The following DPEP1 variants were observed in gnomAD, a reference collection of about 807,000 sequenced individuals.
The protein encoded by DPEP1 is beta-lactamase.
A neutral mutation model predicts 42.3 loss-of-function variants in DPEP1; 50 were observed. The ratio of observed to expected loss-of-function variants is 1.18; its 90% confidence interval spans 0.94 to 1.50. The LOEUF is 1.50. Ranked by LOEUF, DPEP1 falls within the 40% of genes most tolerant of loss-of-function variation. The pLI is 0.00. For synonymous variants in DPEP1, 297 were observed against 234.0 expected (o/e 1.27, Z -2.46); for missense variants, 663 against 553.0 (o/e 1.20, Z -1.99).
intron 1 of DPEP1, among the ~76,000 whole-genome samples, chr16:89,618,740 G>A (rs1311972555): frequency 2.0e-5 from 3 of 152,032 alleles, no homozygotes; most frequent in South Asian, 2.1e-4. Context: ...TTAAGTGATT[G>A]CTGCACTGTT....
intron 2 of DPEP1, among the ~76,000 whole-genome samples, chr16:89,632,272 C>T (rs575395815): frequency 2.0e-5 from 3 of 152,102 alleles, no homozygotes; most frequent in East Asian, 3.9e-4. Context: ...AGGCTGGTCT[C>T]GAACTCCTGA....
At chr16:89,636,468 GGTCAGGACAC>G in intron 4 of DPEP1, 55 bp from the exon 5 acceptor site, 1 of 1,596,614 alleles carries the variant, frequency 6.3e-7, no homozygotes, top group Non-Finnish European at 8.5e-7. Context: ...AGCAGGTGCC[GGTCAGGACAC>G]CTCACCCTCC....
chr16:89,638,225 C>A lies in DPEP1; in HGVS notation c.*3C>A, dbSNP rs368268414. 2 of 1,545,310 alleles carry A rather than the reference C, an allele frequency of 1.3e-6. No homozygotes were observed. The highest frequency in any genetic ancestry group is 2.3e-5 in the East Asian group (1 of 44,206). The stretch of plus-strand genomic sequence containing the variant: ...TCCTCTGTCTGTCTCTCCTGTGAAA[C>A]CTGGGAGACCAGAGTCCCCTTTAGG... On this transcript the variant is annotated 3_prime_UTR_variant, in exon 11 of 11. Coordinates refer to ENST00000690203, the MANE Select transcript of DPEP1 (RefSeq NM_001389466.1).
chr16:89,631,042 G>A lies in DPEP1; in HGVS notation c.104+528G>A, dbSNP rs527770887. ...CAGAGTGAGGTCTGAGCCTGCGGAC[G>A]TGGAGGCCCTGCGCCCCAATCTCAC... On this transcript the variant is annotated intron_variant, in intron 2 of 10. Coordinates refer to ENST00000690203, the MANE Select transcript of DPEP1 (RefSeq NM_001389466.1). Among the ~76,000 whole-genome samples the A allele has an allele frequency of 3.9e-5, 6 of 152,214 alleles. No homozygotes were observed. In the South Asian group the frequency reaches 8.3e-4, roughly 21 times the overall value.
intron 1 of DPEP1, among the ~76,000 whole-genome samples, chr16:89,625,379 C>T (rs923033926): frequency 7.2e-5 from 11 of 152,170 alleles, no homozygotes; most frequent in African/African-American, 2.7e-4. Flanking sequence ...CTCTTCCCAA[C>T]GAACTCATTA....
Position 89,638,202 on chromosome 16 carries a change from C to T in DPEP1, c.1216C>T (p.Leu406Phe). 2 of 1,575,430 alleles carry T rather than the reference C, an allele frequency of 1.3e-6. No homozygotes were observed. The highest frequency in any genetic ancestry group is 1.2e-5 in the South Asian group (1 of 85,928). Reference protein sequence around the residue: ...LLLASLAPLVLCLSLL With the variant: ...LLLASLAPLVFCLSLL ...GCTGGCCTCCCTCGCTCCCCTGGTC[C>T]TCTGTCTGTCTCTCCTGTGAAACCT... is the stretch of plus-strand genomic sequence containing the variant. Residue 406 changes from leucine to phenylalanine, a missense_variant, in exon 11 of 11, where the codon CTC becomes TTC. By Grantham distance (22) the Leu-to-Phe change is conservative. Coordinates refer to ENST00000690203, the MANE Select transcript of DPEP1 (RefSeq NM_001389466.1).
At chr16:89,623,358 C>T (rs1028758757) in intron 1 of DPEP1, among the ~76,000 whole-genome samples, 1 of 152,116 alleles carries the variant, frequency 6.6e-6, no homozygotes, top group African/African-American at 2.4e-5. Flanking sequence ...CCGGAGCTCG[C>T]CCCACACAAA....
chr16:89,618,512 C>G lies in DPEP1; in HGVS notation c.-107+4793C>G, dbSNP rs142508808. On this transcript the variant is annotated intron_variant, in intron 1 of 10. Coordinates refer to ENST00000690203, the MANE Select transcript of DPEP1 (RefSeq NM_001389466.1). The stretch of plus-strand genomic sequence containing the variant: ...GGATCACAGGCATAAACCACCAGGT[C>G]TGGCCTACATTATTTATTTATGCAT... Among the ~76,000 whole-genome samples the G allele has an allele frequency of 1.9e-3, 293 of 152,316 alleles. 3 individuals carry two copies. The highest frequency in any genetic ancestry group is 6.4e-3 in the African/African-American group (264 of 41,544).
intron 2 of DPEP1, among the ~76,000 whole-genome samples, chr16:89,633,105 G>T (rs775454085): frequency 1.2e-4 from 19 of 152,184 alleles, no homozygotes; most frequent in Non-Finnish European, 1.9e-4. Context: ...TCTCCTGGGA[G>T]CCCTGCCCAG....
intron 5 of DPEP1, 58 bp from the exon 6 acceptor site, chr16:89,636,808 C>T (rs1355758662): frequency 1.2e-5 from 19 of 1,607,524 alleles, no homozygotes; most frequent in Non-Finnish European, 8.5e-7. Flanking sequence ...GCCTGCTGGG[C>T]TGATGGGAGG....
downstream of DPEP1, among the ~76,000 whole-genome samples, chr16:89,639,991 A>G (rs1362495723): frequency 1.3e-5 from 2 of 152,128 alleles, no homozygotes; most frequent in African/African-American, 2.4e-5. Context: ...CTTTTGGTAA[A>G]TGGGGAGGCA....
intron 1 of DPEP1, among the ~76,000 whole-genome samples, chr16:89,625,502 G>A (rs1389657184): frequency 6.6e-6 from 1 of 152,154 alleles, no homozygotes; most frequent in African/African-American, 2.4e-5. Context: ...ACTCTATCAG[G>A]ACTATAAACC....
At chr16:89,629,019 G>A (rs1237766577) in intron 1 of DPEP1, among the ~76,000 whole-genome samples, 1 of 151,952 alleles carries the variant, frequency 6.6e-6, no homozygotes, top group Non-Finnish European at 1.5e-5. Context: ...TACAGAGAGG[G>A]TTTCACCATA....
At chr16:89,618,878 C>T (rs1005170681) in intron 1 of DPEP1, among the ~76,000 whole-genome samples, 2 of 151,838 alleles carry the variant, frequency 1.3e-5, no homozygotes, top group South Asian at 2.1e-4. Context: ...CACATCCCAC[C>T]AGCACCCTCT....
chr16:89,635,485 C>T lies in DPEP1; in HGVS notation c.105-423C>T, dbSNP rs2059664918. On this transcript the variant is annotated intron_variant, in intron 2 of 10. Coordinates refer to ENST00000690203, the MANE Select transcript of DPEP1 (RefSeq NM_001389466.1). ...ATTACCCAGCCACCCACCATATTCC[C>T]CAAGAGGCAATTTGATCTTTAAACT... Among the ~76,000 whole-genome samples the T allele has an allele frequency of 3.3e-5, 5 of 152,198 alleles. No homozygotes were observed. In the South Asian group the frequency reaches 1.0e-3, roughly 31 times the overall value.
chr16:89,636,807 G>A lies in DPEP1; in HGVS notation c.522-59G>A. On this transcript the variant is annotated intron_variant, in intron 5 of 10. Coordinates refer to ENST00000690203, the MANE Select transcript of DPEP1 (RefSeq NM_001389466.1). ...TCCCAGGCCGGGCCTCGCCTGCTGGGCTGATGGGAGGCCGAGACCACCGCT... is the reference window on the plus strand; with the variant it reads ...TCCCAGGCCGGGCCTCGCCTGCTGGACTGATGGGAGGCCGAGACCACCGCT... 3.1e-6 allele frequency: 5 copies of A among 1,607,884 alleles called. No homozygotes were observed. In the South Asian group the frequency reaches 3.3e-5, roughly 11 times the overall value.
intron 1 of DPEP1, among the ~76,000 whole-genome samples, chr16:89,616,144 GT>G (rs1476016918): frequency 2.0e-5 from 3 of 151,150 alleles, no homozygotes; most frequent in Non-Finnish European, 2.9e-5. Context: ...AGGAGGCTGG[GT>G]CCGTGGGGCT....
rs754617898 is a variant in DPEP1, at chr16:89,637,506, C to T, written c.807C>T (p.Asn269=). ...TDSLVMVNFY[N]NYISCTNKAN... ...GCCTGGTGATGGTGAACTTCTACAA[C>T]AATTACATTTCCTGCACCAACAAGG... The change falls in exon 8 of 11, where the codon AAC becomes AAT. Residue 269 remains asparagine (N), a synonymous_variant. Transcript: ENST00000690203. 1.9e-6 allele frequency: 3 copies of T among 1,612,878 alleles called. No individual in the cohort carries two copies. The highest frequency in any genetic ancestry group is 2.5e-6 in the Non-Finnish European group (3 of 1,179,996).
chr16:89,625,479 GACAA>G (rs2059498976), intron 1 of DPEP1, among the ~76,000 whole-genome samples: 1 of 152,186 alleles, frequency 6.6e-6, no homozygotes, highest in East Asian at 1.9e-4. Flanking sequence ...GTGAGATCTG[GACAA>G]ACATTCAAAC....
Sources: gnomAD v4.1 joint callset for allele counts (sites outside exome capture counted in the v4.1 genomes callset) on GRCh38, gnomAD v4.1.1 for gene constraint, MANE v1.5 for transcripts, NCBI Gene and HGNC (gene_info 2026-07-23, HGNC 2026-07-21) for gene names.